The following ANKRD16 variants were observed in gnomAD, a reference collection of about 807,000 sequenced individuals.
ANKRD16 encodes the protein ankyrin repeat domain 16.
Under a neutral mutation model 37.9 loss-of-function variants are expected in ANKRD16, and 35 were observed. That is an observed-to-expected ratio of 0.92 (90% CI 0.71 to 1.23). ANKRD16 has a LOEUF of 1.23. ANKRD16 is among the 50% of genes most tolerant of loss of function. ANKRD16 has a pLI of 0.00. For missense variants in ANKRD16, 480 were observed against 469.9 expected (o/e 1.02, Z -0.20); for synonymous variants, 206 against 197.2 (o/e 1.04, Z -0.37).
Position 5,889,609 on chromosome 10 carries a change from T to G in ANKRD16, c.-255A>C. 1 of 221,118 alleles carries G rather than the reference T, an allele frequency of 4.5e-6. No homozygotes were observed. Among genetic ancestry groups the G allele is most frequent in the Non-Finnish European group, 8.7e-6 (1 of 114,500 alleles). The allele number at this position is 221,118 out of a possible 1,614,324, so 13.7% of individuals were successfully genotyped here. A position where few individuals can be genotyped will look rare whatever the true frequency, so the allele number is the denominator to read the frequency against. ...TGCCCCGCGTGGGAGAAGCCGCGGT[T>G]CCGGGCACGGGGCGGTTTTTCCTCA... On this transcript the variant is annotated 5_prime_UTR_variant, in exon 1 of 8. Transcript: ENST00000380094.
Position 5,862,897 on chromosome 10 carries a change from G to C in ANKRD16, c.*34-206C>G, listed in dbSNP as rs995689355. Among the ~76,000 whole-genome samples, 5 of 152,118 alleles carry C rather than the reference G, an allele frequency of 3.3e-5. No homozygotes were observed. The highest frequency in any genetic ancestry group is 1.2e-4 in the African/African-American group (5 of 41,398). On this transcript the variant is annotated intron_variant, in intron 7 of 7. Transcript: ENST00000380094. The surrounding 1 kb of genome is among the most constrained non-coding windows in gnomAD (Gnocchi z 6.5). ...GGAGGCTGGCGCTAGATAGTAACAAGCTGTGTGTTTTGGGCATTTCCCCTG... is the reference window on the plus strand; with the variant it reads ...GGAGGCTGGCGCTAGATAGTAACAACCTGTGTGTTTTGGGCATTTCCCCTG...
rs886875522 is a variant in ANKRD16, at chr10:5,866,143, G to A, written c.*34-3452C>T. Among the ~76,000 whole-genome samples, 5 of 152,112 alleles carry A rather than the reference G, an allele frequency of 3.3e-5. No homozygotes were observed. The highest frequency in any genetic ancestry group is 1.9e-4 in the East Asian group (1 of 5,200). ...AGGAAGTTATGGCTATCAGACAACCGCCTACCTAGATACCAGGCACTACTC... is the reference window on the plus strand; with the variant it reads ...AGGAAGTTATGGCTATCAGACAACCACCTACCTAGATACCAGGCACTACTC... On this transcript the variant is annotated intron_variant, in intron 7 of 7. Coordinates refer to ENST00000380094, the MANE Select transcript of ANKRD16 (RefSeq NM_019046.3). The surrounding 1 kb of genome is among the most constrained non-coding windows in gnomAD (Gnocchi z 4.3).
intron 7 of ANKRD16, among the ~76,000 whole-genome samples, chr10:5,876,295 G>A (rs143683889): frequency 1.3e-5 from 2 of 152,278 alleles, no homozygotes; most frequent in African/African-American, 2.4e-5. Flanking sequence ...TAGGAAAACC[G>A]GGGACAACAG....
Position 5,889,380 on chromosome 10 carries a change from G to A in ANKRD16, c.-26C>T, listed in dbSNP as rs994391883. ...CGCCGCGGGTCGGGCCGGGCTGCGCGGGGAGGCGGCGGGCGGGACACCGGC... is the reference window on the plus strand; with the variant it reads ...CGCCGCGGGTCGGGCCGGGCTGCGCAGGGAGGCGGCGGGCGGGACACCGGC... On this transcript the variant is annotated 5_prime_UTR_variant, in exon 1 of 8. Transcript: ENST00000380094. The A allele has an allele frequency of 1.7e-6, 2 of 1,192,752 alleles. No homozygotes were observed. Among genetic ancestry groups the A allele is most frequent in the African/African-American group, 1.6e-5 (1 of 62,634 alleles). The allele number at this position is 1,192,752 out of a possible 1,614,324, so 73.9% of individuals were successfully genotyped here.
Position 5,862,653 on chromosome 10 carries a change from T to C in ANKRD16, c.*72A>G. 7.8e-7 allele frequency: 1 copy of C among 1,289,674 alleles called. No individual in the cohort carries two copies. 79.9% of individuals were successfully genotyped at this position (1,289,674 alleles called of 1,614,324 possible). A position where few individuals can be genotyped will look rare whatever the true frequency, so the allele number is the denominator to read the frequency against. On this transcript the variant is annotated 3_prime_UTR_variant, in exon 8 of 8. Coordinates refer to ENST00000380094, the MANE Select transcript of ANKRD16 (RefSeq NM_019046.3). The surrounding 1 kb of genome is among the most constrained non-coding windows in gnomAD (Gnocchi z 6.5). ...GAAGCAAGTTGCACTTGGCTTTCTC[T>C]GAGCCGAAAAACGAAAGGTGCTCAG...
chr10:5,872,815 C>G (rs149872300), intron 7 of ANKRD16, among the ~76,000 whole-genome samples: 8,478 of 151,904 alleles, frequency 0.056, 347 homozygotes, highest in Admixed American at 0.13. Flanking sequence ...CTTGGCCTCC[C>G]AAAGTGCTGG....
intron 7 of ANKRD16, among the ~76,000 whole-genome samples, chr10:5,877,118 T>C (rs1179473123): frequency 3.1e-3 from 2 of 648 alleles, no homozygotes; most frequent in Admixed American, 0.025. Context: ...TTTCTTTTTT[T>C]CTTTTTTTTT....
intron 7 of ANKRD16, among the ~76,000 whole-genome samples, chr10:5,872,741 A>G (rs1190646880): frequency 4.0e-5 from 6 of 151,486 alleles, no homozygotes; most frequent in African/African-American, 9.7e-5. Flanking sequence ...TATTTTTAGT[A>G]GAGACGGGAT....
rs1047284461 is a variant in ANKRD16 at position 5,889,328 on chromosome 10, G to GCGCCGCGGGTCCCCGGGCTGGGCCAT, written c.1_26dup (p.Leu10TrpfsTer22). ...GGCCCTCCTGCACCAGCCTGCAGAG[G>GCGCCGCGGGTCCCCGGGCTGGGCCAT]CGCCGCGGGTCCCCGGGCTGGGCCA... On this transcript the variant is annotated frameshift_variant, in exon 1 of 8. Transcript: ENST00000380094. LOFTEE classifies it high-confidence loss of function. The GCGCCGCGGGTCCCCGGGCTGGGCCAT allele has an allele frequency of 7.9e-6, 10 of 1,264,474 alleles. No homozygotes were observed. The highest frequency in any genetic ancestry group is 4.2e-5 in the Admixed American group (1 of 23,840). 78.3% of individuals were successfully genotyped at this position (1,264,474 alleles called of 1,614,324 possible).
In ANKRD16 at chr10:5,883,960, T is replaced by C. The variant is rs1260880006; in HGVS notation, c.687+9A>G. 1 of 1,612,158 alleles carries C rather than the reference T, an allele frequency of 6.2e-7. No homozygotes were observed. Among genetic ancestry groups the C allele is most frequent in the South Asian group, 1.1e-5 (1 of 90,984 alleles). ...AACCAAAAGAATAAAAACACAACCATTTTTATACCCCATGTTCATCGAGGA... is the reference window on the plus strand; with the variant it reads ...AACCAAAAGAATAAAAACACAACCACTTTTATACCCCATGTTCATCGAGGA... On this transcript the variant is annotated intron_variant, in intron 4 of 7. Transcript: ENST00000380094.
At chr10:5,888,416 G>C (rs894543137) in intron 1 of ANKRD16, among the ~76,000 whole-genome samples, 1 of 152,230 alleles carries the variant, frequency 6.6e-6, no homozygotes, top group African/African-American at 2.4e-5. Flanking sequence ...CCCTGCCCCA[G>C]TGGGGAAGAT....
rs1247867766 is a variant in ANKRD16 at position 5,871,990 on chromosome 10, T to G, written c.*33+6107A>C. On this transcript the variant is annotated intron_variant, in intron 7 of 7. Transcript: ENST00000380094. The surrounding 1 kb of genome is among the most constrained non-coding windows in gnomAD (Gnocchi z 4.5). ...TCCAGTGATCAAATCCAACAGCCGT[T>G]TCTGTCCCCAACCTGCCGCCCTTGC... Among the ~76,000 whole-genome samples the G allele has an allele frequency of 6.6e-6, 1 of 152,054 alleles. No homozygotes were observed. Among genetic ancestry groups the G allele is most frequent in the Non-Finnish European group, 1.5e-5 (1 of 68,014 alleles).
Position 5,885,461 on chromosome 10 carries a change from C to T in ANKRD16, c.578+262G>A, listed in dbSNP as rs113489931. Among the ~76,000 whole-genome samples, 1,016 of 152,170 alleles carry T rather than the reference C, an allele frequency of 6.7e-3. 3 individuals are homozygous for T. Among genetic ancestry groups the T allele is most frequent in the Non-Finnish European group, 0.011 (758 of 68,014 alleles). On this transcript the variant is annotated intron_variant, in intron 3 of 7. Coordinates refer to ENST00000380094, the MANE Select transcript of ANKRD16 (RefSeq NM_019046.3). ...CCTCGCAAAGTGCTGGGATTACAGG[C>T]GTGAGCCACCGAGCACTAAATGAAT...
At position 5,874,173 on chromosome 10, in the gene ANKRD16, G is replaced by A. The variant is rs998334864; in HGVS notation, c.*33+3924C>T. Among the ~76,000 whole-genome samples the A allele has an allele frequency of 2.0e-5, 3 of 152,336 alleles. No individual in the cohort carries two copies. Among genetic ancestry groups the A allele is most frequent in the African/African-American group, 7.2e-5 (3 of 41,572 alleles). On this transcript the variant is annotated intron_variant, in intron 7 of 7. Transcript: ENST00000380094. The surrounding 1 kb of genome is among the most constrained non-coding windows in gnomAD (Gnocchi z 4.7). ...CATAATACTGGGACTACAGGTGTAA[G>A]CCATCGTGCCTGGGCGAGACTTCTG...
chr10:5,884,135 C>G, intron 3 of ANKRD16, 58 bp from the exon 4 acceptor site: 1 of 1,307,144 alleles, frequency 7.7e-7, no homozygotes, highest in Non-Finnish European at 1.1e-6. Flanking sequence ...ACCCAGGGGA[C>G]AGTTGACACC....
chr10:5,866,414 A>G lies in ANKRD16; in HGVS notation c.*34-3723T>C, dbSNP rs1251023822. On this transcript the variant is annotated intron_variant, in intron 7 of 7. Transcript: ENST00000380094. This position sits in a 1 kb window ranked among gnomAD's most constrained non-coding sequence, Gnocchi z 4.3. ...GTTATGCCATTGTTAGTGATGTAAC[A>G]GTACTTGAAAGTAAGTCTCTTCCCC... is the stretch of plus-strand genomic sequence containing the variant. Among the ~76,000 whole-genome samples, 1 of 152,274 alleles carries G rather than the reference A, an allele frequency of 6.6e-6. No individual in the cohort carries two copies. Among genetic ancestry groups the G allele is most frequent in the Admixed American group, 6.5e-5 (1 of 15,290 alleles).
intron 5 of ANKRD16, 71 bp from the exon 6 acceptor site, chr10:5,880,447 T>C (rs950698690): frequency 1.1e-6 from 1 of 894,904 alleles, no homozygotes; most frequent in Non-Finnish European, 1.7e-6. Context: ...AAAAAGTATC[T>C]GAGACAGGTC....
rs1170180721 is a variant in ANKRD16, at chr10:5,889,538, C to T, written c.-184G>A. 1 of 313,462 alleles carries T rather than the reference C, an allele frequency of 3.2e-6. No individual in the cohort carries two copies. The highest frequency in any genetic ancestry group is 5.3e-6 in the Non-Finnish European group (1 of 188,332). 19.4% of individuals were successfully genotyped at this position (313,462 alleles called of 1,614,324 possible). ...TCCCCGGCAGAGCCGCCTCCTCAAA[C>T]CCCCGGCCTAGTCCGCAGGCGGGCT... On this transcript the variant is annotated 5_prime_UTR_variant, in exon 1 of 8. Coordinates refer to ENST00000380094, the MANE Select transcript of ANKRD16 (RefSeq NM_019046.3).
At chr10:5,883,592 G>A (rs532320209) in intron 4 of ANKRD16, among the ~76,000 whole-genome samples, 1 of 152,272 alleles carries the variant, frequency 6.6e-6, no homozygotes, top group South Asian at 2.1e-4. Context: ...ATCACGCCCT[G>A]CTCTCAAAAA....
Sources: gnomAD v4.1 joint callset for allele counts (sites outside exome capture counted in the v4.1 genomes callset) on GRCh38, gnomAD v4.1.1 for gene constraint, Gnocchi (gnomAD v3.1) non-coding constraint, MANE v1.5 for transcripts, NCBI Gene and HGNC (gene_info 2026-07-23, HGNC 2026-07-21) for gene names.